PDE1A: variants seen among roughly 807,000 people sequenced by gnomAD.
PDE1A encodes the protein dual specificity calcium/calmodulin-dependent 3',5'-cyclic nucleotide phosphodiesterase 1A.
Under a neutral mutation model 61.7 loss-of-function variants are expected in PDE1A, and 35 were observed. That is an observed-to-expected ratio of 0.57 (90% CI 0.43 to 0.75). The LOEUF (loss-of-function observed/expected upper bound fraction) is 0.75, where lower values mean the gene tolerates loss of function less well. Among genes scored for constraint, PDE1A ranks in the 30% least tolerant of loss-of-function variants. The pLI is 0.00. For missense variants in PDE1A, 597 were observed against 630.6 expected (o/e 0.95, Z 0.57); for synonymous variants, 232 against 213.2 (o/e 1.09, Z -0.77).
intron 2 of PDE1A, among the ~76,000 whole-genome samples, chr2:182,486,743 C>G (rs535903135): frequency 4.6e-5 from 7 of 152,140 alleles, no homozygotes; most frequent in South Asian, 2.1e-4. Context: ...AAAAATATGA[C>G]TTTCGGCCCT....
chr2:182,385,662 GAAA>G, intron 1 of PDE1A, among the ~76,000 whole-genome samples: 1 of 86,710 alleles, frequency 1.2e-5, no homozygotes, highest in South Asian at 4.3e-4. Flanking sequence ...AAAGAAAGAA[GAAA>G]AAAAGAAAGA....
At chr2:182,606,887 C>T in the PDE1A span, among the ~76,000 whole-genome samples, 34 of 152,148 alleles carry the variant, frequency 2.2e-4, no homozygotes, top group Non-Finnish European at 4.0e-4. Context: ...GGGTTCAGTC[C>T]AGGTCCTGCT....
At chr2:182,199,594 C>G (rs1445590709) in intron 10 of PDE1A, among the ~76,000 whole-genome samples, 1 of 151,994 alleles carries the variant, frequency 6.6e-6, no homozygotes, top group Non-Finnish European at 1.5e-5. Context: ...TTTTGCATCT[C>G]TAATGTCACA....
the PDE1A span, among the ~76,000 whole-genome samples, chr2:182,638,492 C>T: frequency 1.4e-4 from 22 of 151,922 alleles, no homozygotes; most frequent in East Asian, 2.9e-3. Context: ...GCTGAGATTG[C>T]GCCCCTGCAC....
At chr2:182,404,394 A>T (rs1341326171) in intron 1 of PDE1A, among the ~76,000 whole-genome samples, 1 of 152,250 alleles carries the variant, frequency 6.6e-6, no homozygotes, top group African/African-American at 2.4e-5. Context: ...ACTGTACACT[A>T]CTGGACACTT....
chr2:182,565,474 C>T, the PDE1A span, among the ~76,000 whole-genome samples: 1 of 152,058 alleles, frequency 6.6e-6, no homozygotes, highest in African/African-American at 2.4e-5. Context: ...CTGGGGGGTG[C>T]CTCCCAGTTA....
At chr2:182,598,752 C>G in the PDE1A span, among the ~76,000 whole-genome samples, 1 of 152,166 alleles carries the variant, frequency 6.6e-6, no homozygotes, top group Non-Finnish European at 1.5e-5. Context: ...TCCTGCACCA[C>G]TGATTATTTT....
chr2:182,608,022 G>A, the PDE1A span, among the ~76,000 whole-genome samples: 7 of 152,278 alleles, frequency 4.6e-5, no homozygotes, highest in East Asian at 1.4e-3. Context: ...AGAGGGTATT[G>A]GGACTAAGAA....
chr2:182,333,536 A>G (rs1697569423), intron 1 of PDE1A, among the ~76,000 whole-genome samples: 1 of 152,192 alleles, frequency 6.6e-6, no homozygotes, highest in South Asian at 2.1e-4. Flanking sequence ...AACCAATGAG[A>G]ACAAAGACAC....
chr2:182,388,676 G>A (rs1203158543), intron 1 of PDE1A, among the ~76,000 whole-genome samples: 2 of 151,866 alleles, frequency 1.3e-5, no homozygotes, highest in Non-Finnish European at 2.9e-5. Flanking sequence ...GTTATAAGAG[G>A]AAAGTGTACA....
chr2:182,191,398 T>C (rs1180651033), intron 10 of PDE1A, among the ~76,000 whole-genome samples: 2 of 152,142 alleles, frequency 1.3e-5, no homozygotes, highest in Non-Finnish European at 2.9e-5. Context: ...AAAATATAAA[T>C]ACTAATATTA....
chr2:182,647,625 T>C, the PDE1A span, among the ~76,000 whole-genome samples: 1 of 152,190 alleles, frequency 6.6e-6, no homozygotes, highest in Non-Finnish European at 1.5e-5. Context: ...ATATCACCTT[T>C]TTCTGAGCAG....
rs183739206 is a variant in PDE1A, at chr2:182,220,326, G to A, written c.776+3538C>T. 1.4e-4 allele frequency among the ~76,000 whole-genome samples: 22 copies of A among 152,148 alleles called. No homozygotes were observed. In the East Asian group the frequency reaches 3.9e-3, roughly 27 times the overall value. On this transcript the variant is annotated intron_variant, in intron 7 of 13. Transcript: ENST00000351439. ...GTTTGCTGAGATCATGGGGAAAGCT[G>A]TGATTTTCCAGTAACATTTGCACTA... is the stretch of plus-strand genomic sequence containing the variant.
chr2:182,312,593 CTGTGTAAAAAATAGAT>C (rs1404216666), intron 1 of PDE1A, among the ~76,000 whole-genome samples: 1 of 152,146 alleles, frequency 6.6e-6, no homozygotes, highest in Non-Finnish European at 1.5e-5. Context: ...CTTTGTACCT[CTGTGTAAAAAATAGAT>C]TGTCCATATA....
At chr2:182,266,803 C>A (rs1303332364) in intron 1 of PDE1A, among the ~76,000 whole-genome samples, 1 of 152,052 alleles carries the variant, frequency 6.6e-6, no homozygotes, top group Non-Finnish European at 1.5e-5. Flanking sequence ...CATCTGGGAT[C>A]ATAAATGACC....
At chr2:182,283,508 A>G (rs529865106) in intron 1 of PDE1A, among the ~76,000 whole-genome samples, 1 of 152,004 alleles carries the variant, frequency 6.6e-6, no homozygotes, top group Non-Finnish European at 1.5e-5. Context: ...AAAATGACAA[A>G]ACAATATAGG....
At chr2:182,602,013 C>T in the PDE1A span, among the ~76,000 whole-genome samples, 3 of 152,230 alleles carry the variant, frequency 2.0e-5, no homozygotes, top group African/African-American at 7.2e-5. Context: ...GGTAGGGTCT[C>T]ACTGGGGACC....
chr2:182,258,598 C>T (rs558917979), intron 2 of PDE1A, among the ~76,000 whole-genome samples: 1 of 152,304 alleles, frequency 6.6e-6, no homozygotes, highest in East Asian at 1.9e-4. Flanking sequence ...TTCTGAGCTT[C>T]CATGCACATA....
chr2:182,226,471 C>A (rs1263124353), intron 6 of PDE1A, among the ~76,000 whole-genome samples: 1 of 149,868 alleles, frequency 6.7e-6, no homozygotes, highest in African/African-American at 2.5e-5. Flanking sequence ...TGAACTTTCA[C>A]ACTTAATTTA....
Sources: gnomAD v4.1 joint callset for allele counts (sites outside exome capture counted in the v4.1 genomes callset) on GRCh38, gnomAD v4.1.1 for gene constraint, MANE v1.5 for transcripts, NCBI Gene and HGNC (gene_info 2026-07-23, HGNC 2026-07-21) for gene names.